DPP6: variants seen among roughly 807,000 people sequenced by gnomAD.
DPP6 encodes A-type potassium channel modulatory protein DPP6.
In DPP6, 69 loss-of-function variants were observed where a neutral mutation model predicts 122.6. That is an observed-to-expected ratio of 0.56 (90% CI 0.46 to 0.69). The LOEUF is 0.69. Among genes scored for constraint, DPP6 ranks in the 30% least tolerant of loss-of-function variants. DPP6 has a pLI of 0.00. For synonymous variants in DPP6, 418 were observed against 433.1 expected, an observed-to-expected ratio of 0.97 and a Z score of 0.43; for missense variants, 928 against 1,116.9, an observed-to-expected ratio of 0.83 and a Z score of 2.41.
At chr7:154,128,962 A>G (rs1373829851) in intron 1 of DPP6, among the ~76,000 whole-genome samples, 5 of 152,020 alleles carry the variant, frequency 3.3e-5, no homozygotes, top group Admixed American at 6.6e-5. Flanking sequence ...CTGGGCAGAA[A>G]AGGGAATGGT....
Position 154,334,414 on chromosome 7 carries a change from A to T in DPP6, c.244-111800A>T, listed in dbSNP as rs187155729. ...TATCAGTTGTGATGCTGGAACAAAC[A>T]CCTCTTTCCTGACTGCAGGGTTTGG... On this transcript the variant is annotated intron_variant, in intron 1 of 25. Coordinates refer to ENST00000377770, the MANE Select transcript of DPP6 (RefSeq NM_130797.4). 3.9e-5 allele frequency among the ~76,000 whole-genome samples: 6 copies of T among 152,208 alleles called. No homozygotes were observed. In the East Asian group the frequency reaches 1.2e-3, roughly 29 times the overall value.
rs185524136 is a variant in DPP6 at position 154,277,379 on chromosome 7, A to G, written c.244-168835A>G. 1.3e-3 allele frequency among the ~76,000 whole-genome samples: 201 copies of G among 152,390 alleles called. 5 individuals carry two copies. In the East Asian group the frequency reaches 0.033, roughly 25 times the overall value. On this transcript the variant is annotated intron_variant, in intron 1 of 25. Transcript: ENST00000377770. Reference sequence around the variant, plus strand: ...ACAACAACAAAAAAAACAATTGTCAATCAGACCAAAGGTAATCTCCATTCG... The same window carrying G: ...ACAACAACAAAAAAAACAATTGTCAGTCAGACCAAAGGTAATCTCCATTCG...
chr7:154,665,611 T>C (rs886534363), intron 6 of DPP6, among the ~76,000 whole-genome samples: 2 of 152,100 alleles, frequency 1.3e-5, no homozygotes, highest in African/African-American at 4.8e-5. Flanking sequence ...TACTGGGTGA[T>C]GGTATTTAGA....
chr7:154,151,190 T>C (rs890254968), intron 1 of DPP6, among the ~76,000 whole-genome samples: 4 of 152,218 alleles, frequency 2.6e-5, no homozygotes, highest in African/African-American at 9.6e-5. Context: ...GTGTCCCACC[T>C]GCCGGCATTA....
intron 5 of DPP6, among the ~76,000 whole-genome samples, chr7:154,576,712 A>G (rs1234988066): frequency 6.6e-6 from 1 of 152,160 alleles, no homozygotes; most frequent in Admixed American, 6.5e-5. Flanking sequence ...TGCGCGGGAA[A>G]TACCAGGCTC....
At chr7:154,338,919 G>C (rs908726143) in intron 1 of DPP6, among the ~76,000 whole-genome samples, 1 of 152,154 alleles carries the variant, frequency 6.6e-6, no homozygotes, top group African/African-American at 2.4e-5. Flanking sequence ...GCGTTCATCC[G>C]TTTCTCTTAC....
intron 6 of DPP6, among the ~76,000 whole-genome samples, chr7:154,642,144 C>T (rs1302732748): frequency 6.6e-6 from 1 of 152,134 alleles, no homozygotes; most frequent in Non-Finnish European, 1.5e-5. Flanking sequence ...GTGCCCAGTG[C>T]CAGCCTAATA....
intron 1 of DPP6, among the ~76,000 whole-genome samples, chr7:154,208,584 C>T (rs1298446253): frequency 2.0e-5 from 3 of 152,154 alleles, no homozygotes; most frequent in African/African-American, 4.8e-5. Flanking sequence ...GACTTAAAAG[C>T]TTGAATCCCC....
intron 1 of DPP6, among the ~76,000 whole-genome samples, chr7:154,054,588 G>A (rs1265952928): frequency 6.6e-6 from 1 of 152,078 alleles, no homozygotes; most frequent in South Asian, 2.1e-4. Context: ...GTCATTCAAA[G>A]GCATGTCCCT....
At chr7:154,856,727 C>T (rs1325842302) in intron 17 of DPP6, among the ~76,000 whole-genome samples, 3 of 152,146 alleles carry the variant, frequency 2.0e-5, no homozygotes, top group Non-Finnish European at 2.9e-5. Context: ...ATATCCGTTG[C>T]GGAGCTGCAT....
At chr7:154,297,764 C>T (rs1805637611) in intron 1 of DPP6, among the ~76,000 whole-genome samples, 1 of 152,182 alleles carries the variant, frequency 6.6e-6, no homozygotes, top group Non-Finnish European at 1.5e-5. Context: ...TATGTTTTCT[C>T]CCACGAAGGG....
chr7:154,289,853 G>C (rs1805091287), intron 1 of DPP6, among the ~76,000 whole-genome samples: 1 of 152,182 alleles, frequency 6.6e-6, no homozygotes, highest in Admixed American at 6.5e-5. Flanking sequence ...ACTGAGGCTA[G>C]ATTCCCTGAA....
At chr7:153,786,458 G>A in the DPP6 span, among the ~76,000 whole-genome samples, 1 of 151,258 alleles carries the variant, frequency 6.6e-6, no homozygotes, top group African/African-American at 2.4e-5. Context: ...GTATACTACT[G>A]GCCGGGCACA....
intron 1 of DPP6, among the ~76,000 whole-genome samples, chr7:154,134,956 G>T (rs923611516): frequency 2.0e-5 from 3 of 151,636 alleles, no homozygotes; most frequent in African/African-American, 7.3e-5. Flanking sequence ...TCCTGTGAGT[G>T]TACACTTCCT....
chr7:154,425,625 T>G (rs112835300), intron 1 of DPP6, among the ~76,000 whole-genome samples: 2,713 of 115,836 alleles, frequency 0.023, 79 homozygotes, highest in African/African-American at 0.13. Flanking sequence ...TGTGTGGGTG[T>G]GTGTGTGTGT....
rs559559565 is a variant in DPP6, at chr7:154,089,671, C to T, written c.243+36608C>T. ...CCACAACATCCACAGCTCATTCCCA[C>T]GGCAGTCCTCACGCAGGCACCAAAA... is the stretch of plus-strand genomic sequence containing the variant. On this transcript the variant is annotated intron_variant, in intron 1 of 25. Transcript: ENST00000377770. Among the ~76,000 whole-genome samples the T allele has an allele frequency of 2.3e-4, 32 of 139,230 alleles. No individual in the cohort carries two copies. In the South Asian group the frequency reaches 6.9e-3, roughly 30 times the overall value. 91.3% of individuals were successfully genotyped at this position (139,230 alleles called of 152,430 possible).
intron 5 of DPP6, among the ~76,000 whole-genome samples, chr7:154,591,635 G>A (rs918640488): frequency 2.0e-5 from 3 of 152,134 alleles, no homozygotes; most frequent in Non-Finnish European, 4.4e-5. Context: ...CTGCATGCTG[G>A]GAGTGAAACT....
At chr7:154,467,590 C>G (rs778594339) in intron 2 of DPP6, among the ~76,000 whole-genome samples, 33 of 152,196 alleles carry the variant, frequency 2.2e-4, no homozygotes, top group Non-Finnish European at 2.4e-4. Flanking sequence ...AATTAAACCT[C>G]GTTTCATTAT....
chr7:154,090,930 C>T (rs1487822898), intron 1 of DPP6, among the ~76,000 whole-genome samples: 17 of 149,042 alleles, frequency 1.1e-4, no homozygotes, highest in African/African-American at 2.5e-4. Context: ...ACCATCCTGG[C>T]TAACACAGTG....
Sources: gnomAD v4.1 joint callset for allele counts (sites outside exome capture counted in the v4.1 genomes callset) on GRCh38, gnomAD v4.1.1 for gene constraint, MANE v1.5 for transcripts, NCBI Gene and HGNC (gene_info 2026-07-23, HGNC 2026-07-21) for gene names.